CCNB1IP1: variants seen among roughly 807,000 people sequenced by gnomAD.
CCNB1IP1 encodes the protein cyclin B1 interacting protein 1, also known as E3 ubiquitin-protein ligase CCNB1IP1.
Under a neutral mutation model 25.6 loss-of-function variants are expected in CCNB1IP1, and 14 were observed. That is an observed-to-expected ratio of 0.55 (90% CI 0.36 to 0.85). The LOEUF is 0.85. Among genes scored for constraint, CCNB1IP1 ranks in the 40% least tolerant of loss-of-function variants. The pLI, the probability that CCNB1IP1 is intolerant of heterozygous loss-of-function variation, is 0.01. For synonymous variants in CCNB1IP1, 119 were observed against 116.1 expected (o/e 1.02, Z -0.16); for missense variants, 278 against 342.4 (o/e 0.81, Z 1.48).
intron 4 of CCNB1IP1, chr14:20,323,360 G>T (rs976417640): frequency 1.3e-5 from 2 of 152,004 alleles, no homozygotes; most frequent in African/African-American, 2.4e-5. Flanking sequence ...TTTAAGAAAC[G>T]TTTATAAAAA....
chr14:20,316,204 G>A, intron 5 of CCNB1IP1, 23 bp downstream of exon 5: 1 of 1,591,426 alleles, frequency 6.3e-7, no homozygotes, highest in Non-Finnish European at 8.6e-7. Context: ...ACATGCTCAA[G>A]AGAAACTAGA....
At chr14:20,317,235 T>G (rs761512618) in intron 4 of CCNB1IP1, among the ~76,000 whole-genome samples, 1 of 151,098 alleles carries the variant, frequency 6.6e-6, no homozygotes, top group African/African-American at 2.4e-5. Flanking sequence ...TGAAATCCCA[T>G]CTCTACTAAA....
intron 5 of CCNB1IP1, chr14:20,315,605 T>C (rs1490812269): frequency 7.8e-7 from 1 of 1,287,022 alleles, no homozygotes; most frequent in Non-Finnish European, 1.0e-6. Context: ...CAGGGAGGTC[T>C]TTCAAAGGAA....
At chr14:20,326,624 A>G (rs1883084841) in intron 3 of CCNB1IP1, 92 bp downstream of exon 3, 2 of 426,264 alleles carry the variant, frequency 4.7e-6, no homozygotes, top group African/African-American at 4.1e-5. Flanking sequence ...TAATTACCAA[A>G]TTCCATCCAC....
At chr14:20,322,484 T>C (rs1404375834) in intron 4 of CCNB1IP1, among the ~76,000 whole-genome samples, 1 of 152,106 alleles carries the variant, frequency 6.6e-6, no homozygotes, top group African/African-American at 2.4e-5. Context: ...AAAATATTAT[T>C]TTATTCTTTC....
intron 5 of CCNB1IP1, chr14:20,315,459 A>G (rs1882660506): frequency 5.5e-6 from 6 of 1,086,716 alleles, no homozygotes; most frequent in Non-Finnish European, 4.5e-6. Context: ...TGAAAAATAG[A>G]GGAGCATGTA....
intron 4 of CCNB1IP1, among the ~76,000 whole-genome samples, chr14:20,323,616 T>C (rs1882966529): frequency 6.7e-6 from 1 of 149,564 alleles, no homozygotes; most frequent in South Asian, 2.1e-4. Flanking sequence ...TCTTATAAGA[T>C]AGGAATCATT....
intron 4 of CCNB1IP1, chr14:20,318,482 A>C (rs1182806214): frequency 6.6e-6 from 1 of 151,766 alleles, no homozygotes; most frequent in Non-Finnish European, 1.5e-5. Flanking sequence ...TTTAAAAAAA[A>C]AAAAAAATTA....
chr14:20,316,326 G>A lies in CCNB1IP1; in HGVS notation c.198C>T (p.Leu66=). ...SGKLDIVRTE[L]SPSEEYKAMV... ...TAGCTTTATATTCCTCTGATGGACT[G>A]AGTTCTGTGCGGACAATATCTAGCT... The change falls in exon 5 of 7, where the codon CTC becomes CTT. Residue 66 remains leucine, a synonymous_variant. Transcript: ENST00000358932. 6.2e-7 allele frequency: 1 copy of A among 1,613,966 alleles called. No homozygotes were observed. Among genetic ancestry groups the A allele is most frequent in the Non-Finnish European group, 8.5e-7 (1 of 1,179,866 alleles).
chr14:20,311,880 C>A (rs1882498598), intron 6 of CCNB1IP1, 128 bp from the exon 7 acceptor site: 1 of 535,576 alleles, frequency 1.9e-6, no homozygotes. Context: ...TAGAAAAAAA[C>A]AGACATATAA....
chr14:20,313,744 T>G lies in CCNB1IP1; in HGVS notation c.355A>C (p.Lys119Gln). The change falls in exon 6 of 7, where the codon AAA (lysine) becomes CAA (glutamine). Residue 119 changes from lysine to glutamine, a missense_variant. By Grantham distance (53) the Lys-to-Gln change is moderately conservative. Transcript: ENST00000358932. ...YNFSKAEGHL[K>Q]QMEKIYTQQI... Reference sequence around the variant, plus strand: ...TGAGTATATATCTTCTCCATCTGTTTCAGATGGCCCTCAGCCTTGCTGAAA... The same window carrying G: ...TGAGTATATATCTTCTCCATCTGTTGCAGATGGCCCTCAGCCTTGCTGAAA... The G allele has an allele frequency of 6.2e-7, 1 of 1,612,070 alleles. No individual in the cohort carries two copies. Among genetic ancestry groups the G allele is most frequent in the Non-Finnish European group, 8.5e-7 (1 of 1,178,904 alleles).
At chr14:20,327,095 TAAC>T (rs770211820) in intron 2 of CCNB1IP1, among the ~76,000 whole-genome samples, 248 of 151,526 alleles carry the variant, frequency 1.6e-3, no homozygotes, top group Non-Finnish European at 2.8e-3. Context: ...AAAAAAAATT[TAAC>T]AACAACAACA....
chr14:20,311,472 A>T lies in CCNB1IP1; in HGVS notation c.*78T>A. The T allele has an allele frequency of 8.1e-7, 1 of 1,237,570 alleles. No individual in the cohort carries two copies. Among genetic ancestry groups the T allele is most frequent in the Non-Finnish European group, 1.2e-6 (1 of 843,846 alleles). 76.7% of individuals were successfully genotyped at this position (1,237,570 alleles called of 1,614,324 possible). On this transcript the variant is annotated 3_prime_UTR_variant, in exon 7 of 7. Coordinates refer to ENST00000358932, the MANE Select transcript of CCNB1IP1 (RefSeq NM_021178.5). ...TGATCTTAGATCACTAAAGCCTCAG[A>T]CTCCTGGGCTCAAGTGATCCTCCCA...
chr14:20,315,739 A>T, intron 5 of CCNB1IP1: 2 of 1,217,622 alleles, frequency 1.6e-6, no homozygotes, highest in South Asian at 1.4e-5. Context: ...AAATATGATT[A>T]TAGAATAGTT....
chr14:20,322,811 C>G (rs1229002006), intron 4 of CCNB1IP1, among the ~76,000 whole-genome samples: 1 of 151,860 alleles, frequency 6.6e-6, no homozygotes, highest in African/African-American at 2.4e-5. Context: ...TTAGTAGAGA[C>G]AGGGTTTCAC....
rs149608799 is a variant in CCNB1IP1, at chr14:20,328,328, T to C, written c.-231+846A>G. ...AGGTTTGCTTTAAAATGTAATGCAG[T>C]GACATGCTAGCTCAGTAGGTTGGAA... On this transcript the variant is annotated intron_variant, in intron 2 of 6. Transcript: ENST00000358932. 3.3e-5 allele frequency among the ~76,000 whole-genome samples: 5 copies of C among 152,310 alleles called. No homozygotes were observed. In the East Asian group the frequency reaches 9.6e-4, roughly 29 times the overall value.
chr14:20,325,376 C>G lies in CCNB1IP1; in HGVS notation c.-38+163G>C, dbSNP rs539148034. ...GCGGAGCTTGCAGTGAGCCGAGATC[C>G]CGCCACTGCACTCCAGCCTGGGCGA... On this transcript the variant is annotated intron_variant, in intron 4 of 6. Coordinates refer to ENST00000358932, the MANE Select transcript of CCNB1IP1 (RefSeq NM_021178.5). 3.2e-3 allele frequency among the ~76,000 whole-genome samples: 482 copies of G among 150,264 alleles called. 1 individual carries two copies. Among genetic ancestry groups the G allele is most frequent in the Non-Finnish European group, 5.7e-3 (381 of 67,382 alleles).
At chr14:20,313,944 A>G (rs748019963) in intron 5 of CCNB1IP1, 143 bp from the exon 6 acceptor site, 1 of 576,604 alleles carries the variant, frequency 1.7e-6, no homozygotes, top group East Asian at 2.9e-5. Flanking sequence ...AGAAGCAATC[A>G]GGATACACAA....
intron 5 of CCNB1IP1, chr14:20,315,590 A>C: frequency 7.8e-7 from 1 of 1,285,674 alleles, no homozygotes; most frequent in Non-Finnish European, 1.0e-6. Context: ...GCTTAAAGTC[A>C]TCCACAGGGA....
Sources: allele counts gnomAD v4.1 joint callset (sites outside exome capture counted in the v4.1 genomes callset), GRCh38; gene constraint gnomAD v4.1.1; transcripts MANE v1.5; gene names NCBI Gene and HGNC (gene_info 2026-07-23, HGNC 2026-07-21).